Variants in ANKFY1 observed in about 807,000 individuals in gnomAD.
ANKFY1 encodes the protein ankyrin repeat and FYVE domain-containing protein 1.
In ANKFY1, 47 loss-of-function variants were observed where a neutral mutation model predicts 128.3. That is an observed-to-expected ratio of 0.37 (90% CI 0.29 to 0.47). The LOEUF (loss-of-function observed/expected upper bound fraction) is 0.47. Among genes scored for constraint, ANKFY1 ranks in the 20% least tolerant of loss-of-function variants. ANKFY1 has a pLI of 1.00. For missense variants in ANKFY1, 1,222 were observed against 1,510.6 expected, an observed-to-expected ratio of 0.81 and a Z score of 3.17; for synonymous variants, 553 against 601.6, an observed-to-expected ratio of 0.92 and a Z score of 1.18.
intron 1 of ANKFY1, among the ~76,000 whole-genome samples, chr17:4,258,100 G>A (rs1968214974): frequency 6.6e-6 from 1 of 152,184 alleles, no homozygotes; most frequent in Admixed American, 6.5e-5. Flanking sequence ...GCTGGTGACA[G>A]TAGTCACCAG....
chr17:4,220,549 G>A (rs1252191256), intron 3 of ANKFY1, among the ~76,000 whole-genome samples: 2 of 152,154 alleles, frequency 1.3e-5, no homozygotes. Context: ...CAAAAACCTA[G>A]ATTATCAAAA....
Position 4,197,478 on chromosome 17 carries a change from T to C in ANKFY1, c.998A>G (p.Tyr333Cys). 1 of 1,614,200 alleles carries C rather than the reference T, an allele frequency of 6.2e-7. No homozygotes were observed. The highest frequency in any genetic ancestry group is 8.5e-7 in the Non-Finnish European group (1 of 1,180,038). Residue 333 changes from tyrosine (Y) to cysteine (C), a missense_variant, in exon 8 of 25, where the codon TAC (tyrosine) becomes TGC (cysteine). Coordinates refer to ENST00000341657, the MANE Select transcript of ANKFY1 (RefSeq NM_001330063.2). The stretch of plus-strand genomic sequence containing the variant: ...ATCTGCTGAGTGTTTCTTTGAACTG[T>C]ACAAGGCCACAAGGTGCAGTGGTGT... ...QETPLHLVAL[Y>C]SSKKHSADVM...
rs1374622738 is a variant in ANKFY1, at chr17:4,165,051, C to G, written c.*2728G>C. The G allele has an allele frequency of 6.6e-6, 1 of 152,436 alleles. No individual in the cohort carries two copies. The highest frequency in any genetic ancestry group is 1.5e-5 in the Non-Finnish European group (1 of 68,040). 9.4% of individuals were successfully genotyped at this position (152,436 alleles called of 1,614,324 possible). A position where few individuals can be genotyped will look rare whatever the true frequency, so the allele number is the denominator to read the frequency against. On this transcript the variant is annotated 3_prime_UTR_variant, in exon 25 of 25. Coordinates refer to ENST00000341657, the MANE Select transcript of ANKFY1 (RefSeq NM_001330063.2). The stretch of plus-strand genomic sequence containing the variant: ...CAGTGAGACACCACGAAAAAGATGA[C>G]TGAAAGTTCAAAAGTCCTAAGTGTA...
At chr17:4,183,246 T>C (rs921669389) in intron 14 of ANKFY1, 152 bp downstream of exon 14, 8 of 888,678 alleles carry the variant, frequency 9.0e-6, no homozygotes, top group Non-Finnish European at 1.4e-5. Flanking sequence ...TGATATTCAG[T>C]GATGACACCG....
chr17:4,219,041 A>G (rs1301910496), intron 3 of ANKFY1, among the ~76,000 whole-genome samples: 1 of 152,184 alleles, frequency 6.6e-6, no homozygotes, highest in Non-Finnish European at 1.5e-5. Context: ...TTGGAAGGAT[A>G]TATACTAAAA....
chr17:4,214,446 C>G (rs1356514936), intron 4 of ANKFY1, among the ~76,000 whole-genome samples: 1 of 151,838 alleles, frequency 6.6e-6, no homozygotes, highest in Non-Finnish European at 1.5e-5. Context: ...GACTTTCACC[C>G]GAAGGGAATT....
At position 4,195,475 on chromosome 17, in the gene ANKFY1, C is replaced by CG; in HGVS notation, c.1104-5dup. 1 of 1,613,748 alleles carries CG rather than the reference C, an allele frequency of 6.2e-7. No homozygotes were observed. The highest frequency in any genetic ancestry group is 8.5e-7 in the Non-Finnish European group (1 of 1,179,798). On this transcript the variant is annotated splice_polypyrimidine_tract_variant and splice_region_variant and intron_variant, in intron 8 of 24. Coordinates refer to ENST00000341657, the MANE Select transcript of ANKFY1 (RefSeq NM_001330063.2). Reference sequence around the variant, plus strand: ...GATGGACACATGTAAAGGAGTCCTGCGGGATCCAAAAGAAGAGGGGTCAGT... The same window carrying CG: ...GATGGACACATGTAAAGGAGTCCTGCGGGGATCCAAAAGAAGAGGGGTCAGT...
At chr17:4,203,026 A>G (rs1359810179) in intron 7 of ANKFY1, among the ~76,000 whole-genome samples, 1 of 151,214 alleles carries the variant, frequency 6.6e-6, no homozygotes, top group Non-Finnish European at 1.5e-5. Flanking sequence ...GAAGCTATTT[A>G]GAAATTACTA....
chr17:4,168,695 G>C (rs1270409263), intron 24 of ANKFY1: 1 of 152,256 alleles, frequency 6.6e-6, no homozygotes, highest in Admixed American at 6.5e-5. Context: ...TGTATTTTTA[G>C]TAGAGACGGG....
intron 4 of ANKFY1, among the ~76,000 whole-genome samples, chr17:4,214,944 TG>T (rs569596516): frequency 3.2e-4 from 49 of 152,314 alleles, no homozygotes; most frequent in Non-Finnish European, 5.4e-4. Flanking sequence ...ATTATACTTT[TG>T]TAAGGAGAAA....
chr17:4,214,096 C>T (rs191239576), intron 4 of ANKFY1, among the ~76,000 whole-genome samples: 1 of 152,328 alleles, frequency 6.6e-6, no homozygotes, highest in East Asian at 1.9e-4. Context: ...CAGCCTAATA[C>T]ACAGTATGAT....
At chr17:4,218,946 C>CAT (rs983462396) in intron 3 of ANKFY1, among the ~76,000 whole-genome samples, 18 of 152,010 alleles carry the variant, frequency 1.2e-4, no homozygotes, top group East Asian at 9.7e-4. Flanking sequence ...TGCATGCATA[C>CAT]ATATATATAT....
chr17:4,206,284 A>G (rs2060021993), intron 7 of ANKFY1, 37 bp downstream of exon 7: 2 of 1,591,482 alleles, frequency 1.3e-6, no homozygotes, highest in Non-Finnish European at 1.7e-6. Context: ...GATAAAAATA[A>G]AATTGCCTGC....
chr17:4,220,833 C>T (rs969832619), intron 3 of ANKFY1, among the ~76,000 whole-genome samples: 1 of 152,152 alleles, frequency 6.6e-6, no homozygotes, highest in South Asian at 2.1e-4. Context: ...TCTACTTAAG[C>T]AAGTGGTTGT....
intron 7 of ANKFY1, among the ~76,000 whole-genome samples, chr17:4,199,766 T>C (rs1369135424): frequency 6.6e-6 from 1 of 152,254 alleles, no homozygotes; most frequent in Non-Finnish European, 1.5e-5. Context: ...TAAAGTTTAC[T>C]TGTCAAGTTA....
chr17:4,222,681 G>T (rs766052650), intron 3 of ANKFY1: 5 of 861,878 alleles, frequency 5.8e-6, no homozygotes. Context: ...GCCCTGACAC[G>T]CAGCTCCAAC....
Position 4,195,009 on chromosome 17 carries a change from G to A in ANKFY1, c.1341C>T (p.Gly447=), listed in dbSNP as rs1229463075. 6.2e-7 allele frequency: 1 copy of A among 1,614,190 alleles called. No homozygotes were observed. The highest frequency in any genetic ancestry group is 1.1e-5 in the South Asian group (1 of 91,086). ...CCGTGTCAGGTGCGTCTGTGTGGCT[G>A]CCGCGCTGGATGAGTCTGGCTGCAA... is the stretch of plus-strand genomic sequence containing the variant. ...NSFAARLIQR[G]SHTDAPDTAT... is the part of the protein sequence containing the mutation. The change falls in exon 10 of 25, where the codon GGC becomes GGT. Residue 447 remains glycine, a synonymous_variant. Coordinates refer to ENST00000341657, the MANE Select transcript of ANKFY1 (RefSeq NM_001330063.2).
intron 10 of ANKFY1, among the ~76,000 whole-genome samples, chr17:4,190,308 G>T (rs554191870): frequency 6.6e-6 from 1 of 152,230 alleles, no homozygotes; most frequent in South Asian, 2.1e-4. Flanking sequence ...AGGCTTGGTG[G>T]TGCACACCTG....
intron 4 of ANKFY1, among the ~76,000 whole-genome samples, chr17:4,211,102 T>C (rs1183643071): frequency 6.6e-6 from 1 of 151,484 alleles, no homozygotes; most frequent in Non-Finnish European, 1.5e-5. Context: ...CTATAATGTT[T>C]TGAAAAAAAC....
Sources: gnomAD v4.1 joint callset for allele counts (sites outside exome capture counted in the v4.1 genomes callset) on GRCh38, gnomAD v4.1.1 for gene constraint, MANE v1.5 for transcripts, NCBI Gene and HGNC (gene_info 2026-07-23, HGNC 2026-07-21) for gene names.